Variants in SNX29 observed in about 807,000 individuals in gnomAD.
SNX29 encodes the protein sorting nexin 29, also known as sorting nexin-29.
In SNX29, 78 loss-of-function variants were observed where a neutral mutation model predicts 102.1. The ratio of observed to expected loss-of-function variants is 0.76; its 90% confidence interval spans 0.64 to 0.92. The LOEUF (loss-of-function observed/expected upper bound fraction) is 0.92, where lower values mean the gene tolerates loss of function less well. Among genes scored for constraint, SNX29 ranks in the 40% least tolerant of loss-of-function variants. The pLI is 0.00. For synonymous variants in SNX29, 580 were observed against 414.5 expected (o/e 1.40, Z -4.85); for missense variants, 1,280 against 1,061.7 (o/e 1.21, Z -2.86).
chr16:12,411,306 C>G (rs1186739285), intron 18 of SNX29, among the ~76,000 whole-genome samples: 1 of 152,156 alleles, frequency 6.6e-6, no homozygotes, highest in Non-Finnish European at 1.5e-5. Context: ...TCCTGTGTTG[C>G]AGGCCAAGCC....
chr16:12,310,498 A>G (rs1360902075), intron 15 of SNX29, among the ~76,000 whole-genome samples: 1 of 152,122 alleles, frequency 6.6e-6, no homozygotes, highest in African/African-American at 2.4e-5. Context: ...ATGAATCTCA[A>G]AATAACTGTG....
In SNX29 at chr16:12,571,190, C is replaced by G. The variant is rs535072820; in HGVS notation, c.*2561C>G. The G allele has an allele frequency of 1.3e-5, 3 of 232,402 alleles. No homozygotes were observed. Among genetic ancestry groups the G allele is most frequent in the African/African-American group, 6.6e-5 (3 of 45,298 alleles). 14.4% of individuals were successfully genotyped at this position (232,402 alleles called of 1,614,324 possible). On this transcript the variant is annotated 3_prime_UTR_variant, in exon 21 of 21. Transcript: ENST00000566228. Reference sequence around the variant, plus strand: ...CTGCTCTCTAGTGTGGTGGGATGAACTTCAGGCAACAAACAACTGGCAGGG... The same window carrying G: ...CTGCTCTCTAGTGTGGTGGGATGAAGTTCAGGCAACAAACAACTGGCAGGG...
At chr16:12,039,628 T>A (rs2151168010) in intron 4 of SNX29, among the ~76,000 whole-genome samples, 1 of 152,312 alleles carries the variant, frequency 6.6e-6, no homozygotes, top group South Asian at 2.1e-4. Context: ...CAGAGGGGAC[T>A]GTGAGCCTGT....
At chr16:12,552,134 G>T (rs976828578) in intron 20 of SNX29, among the ~76,000 whole-genome samples, 1 of 152,224 alleles carries the variant, frequency 6.6e-6, no homozygotes, top group Admixed American at 6.5e-5. Context: ...AAATGCCTGA[G>T]AGGCCACATT....
At chr16:12,141,712 C>T (rs1194621520) in intron 13 of SNX29, among the ~76,000 whole-genome samples, 2 of 152,214 alleles carry the variant, frequency 1.3e-5, no homozygotes, top group Non-Finnish European at 2.9e-5. Flanking sequence ...ATGTCCTTAG[C>T]ATGCTTATGC....
At chr16:12,281,768 G>C (rs1278612047) in intron 15 of SNX29, among the ~76,000 whole-genome samples, 3 of 152,094 alleles carry the variant, frequency 2.0e-5, no homozygotes, top group African/African-American at 7.2e-5. Context: ...AGAGTCCTTA[G>C]CTGCTAAGAA....
chr16:12,150,562 C>T (rs1488310054), intron 13 of SNX29, among the ~76,000 whole-genome samples: 1 of 152,232 alleles, frequency 6.6e-6, no homozygotes, highest in Non-Finnish European at 1.5e-5. Context: ...AGTGAGTCTG[C>T]ATCACAGCTT....
intron 18 of SNX29, chr16:12,443,461 C>CT (rs199831909): frequency 0.031 from 4,728 of 153,000 alleles, 81 homozygotes; most frequent in Non-Finnish European, 0.047. Context: ...AGGAGCATGG[C>CT]TTTTTTTTTG....
intron 14 of SNX29, among the ~76,000 whole-genome samples, chr16:12,264,361 T>G (rs1375086927): frequency 3.3e-5 from 5 of 152,240 alleles, no homozygotes; most frequent in African/African-American, 1.2e-4. Flanking sequence ...GCACAGTAAT[T>G]TCCCGAGGAA....
In SNX29 at chr16:12,482,276, C is replaced by G. The variant is rs576431049; in HGVS notation, c.2178+4417C>G. 3.4e-5 allele frequency among the ~76,000 whole-genome samples: 5 copies of G among 145,752 alleles called. No homozygotes were observed. The South Asian group carries it at 6.3e-4, about 18-fold the overall frequency. Reference sequence around the variant, plus strand: ...TAATTTCTTTCTCCTTTTCCTTTTTCTTTTTCCTTTTTCCTTTTCCTTTTC... The same window carrying G: ...TAATTTCTTTCTCCTTTTCCTTTTTGTTTTTCCTTTTTCCTTTTCCTTTTC... On this transcript the variant is annotated intron_variant, in intron 19 of 20. Coordinates refer to ENST00000566228, the MANE Select transcript of SNX29 (RefSeq NM_032167.5).
chr16:12,425,113 C>T (rs2085011508), intron 18 of SNX29, among the ~76,000 whole-genome samples: 1 of 152,172 alleles, frequency 6.6e-6, no homozygotes, highest in Non-Finnish European at 1.5e-5. Context: ...CAGGTGATTG[C>T]ATTAATCTAA....
At chr16:12,510,172 G>A (rs1255558388) in intron 19 of SNX29, among the ~76,000 whole-genome samples, 1 of 152,188 alleles carries the variant, frequency 6.6e-6, no homozygotes, top group African/African-American at 2.4e-5. Flanking sequence ...GAATTCCTCT[G>A]GGAGAGATCC....
chr16:12,013,500 A>AAAATATATATATATATATAT, intron 3 of SNX29, among the ~76,000 whole-genome samples: 2 of 31,628 alleles, frequency 6.3e-5, no homozygotes, highest in Non-Finnish European at 1.2e-4. Context: ...AAAAAAAAAA[A>AAAATATATATATATATATAT]ATATATATAT....
chr16:12,139,524 T>G (rs972976806), intron 13 of SNX29, among the ~76,000 whole-genome samples: 1 of 152,198 alleles, frequency 6.6e-6, no homozygotes, highest in Non-Finnish European at 1.5e-5. Flanking sequence ...AAATGTCAAT[T>G]CTTCCAGCAC....
At chr16:12,161,864 C>T (rs969217676) in intron 13 of SNX29, among the ~76,000 whole-genome samples, 1 of 152,142 alleles carries the variant, frequency 6.6e-6, no homozygotes, top group Non-Finnish European at 1.5e-5. Context: ...GGTGCTGGAC[C>T]GCGTTTCTTA....
intron 14 of SNX29, among the ~76,000 whole-genome samples, chr16:12,211,979 G>T (rs549613191): frequency 5.9e-4 from 90 of 152,278 alleles, no homozygotes; most frequent in African/African-American, 2.2e-3. Context: ...CATCCACCTA[G>T]AAAGTAGTAG....
chr16:12,182,940 A>G (rs1407161225), intron 13 of SNX29, among the ~76,000 whole-genome samples: 1 of 151,128 alleles, frequency 6.6e-6, no homozygotes, highest in Non-Finnish European at 1.5e-5. Context: ...TCTCAAAAAA[A>G]AAAAAAAAAA....
At chr16:12,541,016 C>G (rs1054048734) in intron 20 of SNX29, among the ~76,000 whole-genome samples, 1 of 152,136 alleles carries the variant, frequency 6.6e-6, no homozygotes, top group Non-Finnish European at 1.5e-5. Context: ...TTTCCTGGGA[C>G]AGCAACAACT....
chr16:12,553,377 C>G (rs1029374909), intron 20 of SNX29, among the ~76,000 whole-genome samples: 3 of 152,220 alleles, frequency 2.0e-5, no homozygotes, highest in African/African-American at 7.2e-5. Flanking sequence ...CAGACATGCT[C>G]TCAAGTTGAA....
Sources: allele counts gnomAD v4.1 joint callset (sites outside exome capture counted in the v4.1 genomes callset), GRCh38; gene constraint gnomAD v4.1.1; transcripts MANE v1.5; gene names NCBI Gene and HGNC (gene_info 2026-07-23, HGNC 2026-07-21).